Variants in PLCXD2 observed in about 807,000 individuals in gnomAD.
PLCXD2 encodes the protein PI-PLC X domain-containing protein 2.
A neutral mutation model predicts 28.6 loss-of-function variants in PLCXD2; 21 were observed. That is an observed-to-expected ratio of 0.73 (90% CI 0.52 to 1.06). The LOEUF is 1.06. Ranked by LOEUF, PLCXD2 falls within the 50% of genes least tolerant of loss-of-function variation. The probability of loss-of-function intolerance (pLI) is 0.00; values close to 1 mark genes in which losing one functional copy is unlikely to be tolerated. For synonymous variants in PLCXD2, 140 were observed against 150.1 expected (o/e 0.93, Z 0.49); for missense variants, 369 against 376.7 (o/e 0.98, Z 0.17).
chr3:111,695,220 A>G (rs1038623411), intron 1 of PLCXD2, among the ~76,000 whole-genome samples: 9 of 151,634 alleles, frequency 5.9e-5, no homozygotes, highest in Admixed American at 5.2e-4. Flanking sequence ...CTATGAAGAT[A>G]GGGTCTTCTG....
chr3:111,695,472 CTGCTGT>C (rs1350273950), intron 1 of PLCXD2, among the ~76,000 whole-genome samples: 2 of 152,252 alleles, frequency 1.3e-5, no homozygotes, highest in Admixed American at 1.3e-4. Context: ...GCCAGCATCA[CTGCTGT>C]CGCACTTTGG....
chr3:111,707,997 A>C lies in PLCXD2; in HGVS notation c.235A>C (p.Lys79Gln). The change falls in exon 2 of 5, where the codon AAA (lysine) becomes CAA (glutamine). Residue 79 changes from lysine to glutamine, a missense_variant. By Grantham distance (53) the Lys-to-Gln change is moderately conservative. Coordinates refer to ENST00000477665, the MANE Select transcript of PLCXD2 (RefSeq NM_001185106.1). ...GGGGCCTGACCAAACCCAAGCTATC[A>C]AACGCCTCGCCAGGATCTCCTTGGT... The C allele has an allele frequency of 6.2e-7, 1 of 1,614,162 alleles. No individual in the cohort carries two copies. Among genetic ancestry groups the C allele is most frequent in the Non-Finnish European group, 8.5e-7 (1 of 1,180,030 alleles).
At chr3:111,685,618 T>C (rs1940783024) in intron 1 of PLCXD2, among the ~76,000 whole-genome samples, 1 of 152,242 alleles carries the variant, frequency 6.6e-6, no homozygotes. Context: ...TTATTATTGT[T>C]CTTTCTTGTG....
chr3:111,707,951 G>C lies in PLCXD2; in HGVS notation c.189G>C (p.Trp63Cys). 3 of 1,613,912 alleles carry C rather than the reference G, an allele frequency of 1.9e-6. No individual in the cohort carries two copies. The highest frequency in any genetic ancestry group is 1.7e-4 in the Middle Eastern group (1 of 6,060). Residue 63 changes from tryptophan to cysteine, a missense_variant, in exon 2 of 5, where the codon TGG becomes TGC. By Grantham distance (215) the Trp-to-Cys change is radical (BLOSUM62 -2). Coordinates refer to ENST00000477665, the MANE Select transcript of PLCXD2 (RefSeq NM_001185106.1). ...GCTCACATGATTCATTCAGCTACTG[G>C]GTGGATGAAAAGTCCCCAGTGGGGC...
In PLCXD2 at chr3:111,708,363, A is replaced by G; in HGVS notation, c.601A>G (p.Thr201Ala). 6.2e-7 allele frequency: 1 copy of G among 1,613,780 alleles called. No individual in the cohort carries two copies. The highest frequency in any genetic ancestry group is 1.1e-5 in the South Asian group (1 of 91,050). ...CAGTGTGGAAAGTTTGACGCTGCGA[A>G]CTCTGTGGGAGAAGAACTGCCAGGT... is the stretch of plus-strand genomic sequence containing the variant. The change falls in exon 2 of 5, where the codon ACT (threonine) becomes GCT (alanine). Residue 201 changes from threonine (T) to alanine (A), a missense_variant. Physicochemically the swap from Thr to Ala is moderately conservative, Grantham distance 58. Transcript: ENST00000477665.
intron 2 of PLCXD2, among the ~76,000 whole-genome samples, chr3:111,708,825 T>C (rs189551222): frequency 5.3e-5 from 8 of 152,216 alleles, no homozygotes; most frequent in African/African-American, 9.6e-5. Context: ...GACTGAAACA[T>C]AGTGATTCAT....
At chr3:111,681,199 A>C (rs943032954) in intron 1 of PLCXD2, among the ~76,000 whole-genome samples, 2 of 152,144 alleles carry the variant, frequency 1.3e-5, no homozygotes, top group African/African-American at 4.8e-5. Context: ...CCAGGATGTG[A>C]GTGCCAAGGG....
intron 1 of PLCXD2, among the ~76,000 whole-genome samples, chr3:111,696,335 G>T (rs1256177642): frequency 6.6e-6 from 1 of 151,846 alleles, no homozygotes; most frequent in Non-Finnish European, 1.5e-5. Context: ...TGAGCAAAGG[G>T]TTTTTTTTGG....
chr3:111,684,523 G>A (rs1166279411), intron 1 of PLCXD2, among the ~76,000 whole-genome samples: 3 of 151,516 alleles, frequency 2.0e-5, no homozygotes, highest in Non-Finnish European at 4.4e-5. Context: ...GCATGATGGC[G>A]GGCGTCTGTA....
intron 1 of PLCXD2, among the ~76,000 whole-genome samples, chr3:111,687,626 G>A (rs541764993): frequency 7.9e-5 from 12 of 151,744 alleles, no homozygotes; most frequent in African/African-American, 2.9e-4. Flanking sequence ...AATATCTTCA[G>A]CATTTAAGAA....
intron 3 of PLCXD2, among the ~76,000 whole-genome samples, chr3:111,720,388 GC>G (rs1941328821): frequency 6.6e-6 from 1 of 152,008 alleles, no homozygotes; most frequent in East Asian, 1.9e-4. Flanking sequence ...ACCCACCTCA[GC>G]CCCCCAAAGT....
chr3:111,684,955 G>A (rs1165845810), intron 1 of PLCXD2, among the ~76,000 whole-genome samples: 3 of 152,184 alleles, frequency 2.0e-5, no homozygotes, highest in Non-Finnish European at 4.4e-5. Context: ...AGGGGCTTGG[G>A]TGAGAGAGAG....
At chr3:111,678,096 A>G (rs1422417423) in intron 1 of PLCXD2, among the ~76,000 whole-genome samples, 2 of 152,210 alleles carry the variant, frequency 1.3e-5, no homozygotes, top group Non-Finnish European at 1.5e-5. Flanking sequence ...TTCTGGCAAC[A>G]ATAGCAGAAA....
chr3:111,723,609 C>T (rs770954336), intron 3 of PLCXD2: 6 of 152,158 alleles, frequency 3.9e-5, no homozygotes, highest in Non-Finnish European at 8.8e-5. Flanking sequence ...GGATTATTTA[C>T]AATTTTCCCT....
chr3:111,722,044 C>T (rs1281530781), intron 3 of PLCXD2: 1 of 152,158 alleles, frequency 6.6e-6, no homozygotes, highest in Non-Finnish European at 1.5e-5. Context: ...CATTTCCAGT[C>T]CTTCTCTTGA....
intron 1 of PLCXD2, among the ~76,000 whole-genome samples, chr3:111,681,247 C>A (rs1940710146): frequency 6.6e-6 from 1 of 152,200 alleles, no homozygotes; most frequent in South Asian, 2.1e-4. Flanking sequence ...ATCAAGACAG[C>A]CAGAAAACTT....
At chr3:111,692,495 A>G (rs1198536487) in intron 1 of PLCXD2, 1 of 152,258 alleles carries the variant, frequency 6.6e-6, no homozygotes, top group Non-Finnish European at 1.5e-5. Flanking sequence ...CCTAAGCCAC[A>G]TGGCTTGACC....
At chr3:111,725,311 A>C in intron 3 of PLCXD2, 1 of 268,850 alleles carries the variant, frequency 3.7e-6, no homozygotes. Context: ...CTAATGTTCC[A>C]GGATATCTTG....
At chr3:111,725,595 G>A (rs1021711519) in intron 3 of PLCXD2, 3 of 398,328 alleles carry the variant, frequency 7.5e-6, no homozygotes, top group Admixed American at 4.4e-5. Flanking sequence ...CACAAAATGC[G>A]ATTGATTTTC....
Sources: gnomAD v4.1 joint callset for allele counts (sites outside exome capture counted in the v4.1 genomes callset) on GRCh38, gnomAD v4.1.1 for gene constraint, MANE v1.5 for transcripts, NCBI Gene and HGNC (gene_info 2026-07-23, HGNC 2026-07-21) for gene names.